The following FANCB variants were observed in gnomAD, a reference collection of about 807,000 sequenced individuals.
The protein encoded by FANCB is FA complementation group B.
In FANCB, 5 loss-of-function variants were observed where a neutral mutation model predicts 38.9. The ratio of observed to expected loss-of-function variants is 0.13; its 90% CI spans 0.07 to 0.27. The LOEUF is 0.27. FANCB is among the 10% of genes least tolerant of loss of function. FANCB has a pLI of 1.00. For synonymous variants in FANCB, 236 were observed against 215.4 expected (o/e 1.10, Z -0.84); for missense variants, 573 against 602.7 (o/e 0.95, Z 0.52).
At chrX:14,752,551 T>C in the FANCB span, among the ~76,000 whole-genome samples, 1 of 112,026 alleles carries the variant, frequency 8.9e-6, no homozygotes, top group African/African-American at 3.2e-5. Flanking sequence ...TCTTCCCTAT[T>C]TAGCATCCTT....
intron 6 of FANCB, among the ~76,000 whole-genome samples, chrX:14,852,838 T>A (rs2092407314): frequency 8.9e-6 from 1 of 112,255 alleles, no homozygotes; most frequent in Non-Finnish European, 1.9e-5. Flanking sequence ...GAATTACCTA[T>A]AAATTGATAA....
chrX:14,840,577 T>C (rs1011818976), downstream of FANCB, among the ~76,000 whole-genome samples: 2 of 111,775 alleles, frequency 1.8e-5, no homozygotes, highest in Admixed American at 9.5e-5. Context: ...AAAAGTGAAA[T>C]AGATGTGGAA....
chrX:14,801,864 A>G, the FANCB span, among the ~76,000 whole-genome samples: 3 of 110,974 alleles, frequency 2.7e-5, no homozygotes, highest in East Asian at 5.7e-4. Flanking sequence ...AGAAACAATG[A>G]ATTTCAAAGA....
At chrX:14,753,888 G>A in the FANCB span, among the ~76,000 whole-genome samples, 2 of 112,339 alleles carry the variant, frequency 1.8e-5, no homozygotes, top group African/African-American at 6.5e-5. Flanking sequence ...GCAAAAGCCA[G>A]AAATAAAATA....
the FANCB span, chrX:14,730,103 C>G: frequency 1.7e-6 from 1 of 595,060 alleles, no homozygotes; most frequent in East Asian, 3.3e-5. Flanking sequence ...TCCCACACCA[C>G]CAGTTAACTG....
intron 2 of FANCB, among the ~76,000 whole-genome samples, chrX:14,868,666 C>CCTA (rs2092481338): frequency 9.0e-6 from 1 of 110,903 alleles, no homozygotes; most frequent in African/African-American, 3.3e-5. Flanking sequence ...GTTCTAGTGT[C>CCTA]CTATTGCACA....
chrX:14,739,557 T>C, the FANCB span, among the ~76,000 whole-genome samples: 47 of 112,454 alleles, frequency 4.2e-4, no homozygotes, highest in Non-Finnish European at 3.9e-4. Flanking sequence ...AGAATATTTC[T>C]GTTGAAAATG....
At chrX:14,834,865 G>A, downstream of FANCB, 1 of 595,857 alleles carries the variant, frequency 1.7e-6, no homozygotes, top group Admixed American at 2.4e-5. Context: ...ACCTTTTTCT[G>A]TGGAAACTTG....
At chrX:14,745,687 A>ATTT in the FANCB span, among the ~76,000 whole-genome samples, 1 of 29,221 alleles carries the variant, frequency 3.4e-5, no homozygotes, top group African/African-American at 1.4e-4. Context: ...AAACTCTGGA[A>ATTT]TTTTTTTTTT....
At chrX:14,747,030 T>G in the FANCB span, among the ~76,000 whole-genome samples, 1 of 111,880 alleles carries the variant, frequency 8.9e-6, no homozygotes, top group Non-Finnish European at 1.9e-5. Context: ...GTATTCTTTC[T>G]GGCCTCTGTC....
the FANCB span, among the ~76,000 whole-genome samples, chrX:14,714,616 A>G: frequency 0.021 from 2,290 of 111,673 alleles, 50 homozygotes; most frequent in African/African-American, 0.063. Flanking sequence ...TCCCCTGCCC[A>G]TACATTTTCC....
At chrX:14,741,846 G>C in the FANCB span, among the ~76,000 whole-genome samples, 1 of 111,645 alleles carries the variant, frequency 9.0e-6, no homozygotes, top group African/African-American at 3.3e-5. Context: ...TAAGTTTCCT[G>C]GGTTAGATTT....
chrX:14,733,806 C>T, the FANCB span, among the ~76,000 whole-genome samples: 1 of 111,958 alleles, frequency 8.9e-6, no homozygotes, highest in Non-Finnish European at 1.9e-5. Context: ...ATCATGTCAT[C>T]TGCAAACAGA....
chrX:14,763,138 T>A, the FANCB span, among the ~76,000 whole-genome samples: 1 of 111,723 alleles, frequency 9.0e-6, no homozygotes, highest in South Asian at 3.7e-4. Context: ...CCTCTTTGAT[T>A]ACAAAAATCC....
the FANCB span, among the ~76,000 whole-genome samples, chrX:14,696,149 G>A: frequency 1.0e-5 from 1 of 97,802 alleles, no homozygotes; most frequent in Non-Finnish European, 2.0e-5. Flanking sequence ...AAGGAAGGAA[G>A]AAAGAAACCA....
At chrX:14,692,366 T>C in the FANCB span, among the ~76,000 whole-genome samples, 1 of 112,423 alleles carries the variant, frequency 8.9e-6, no homozygotes, top group African/African-American at 3.2e-5. Context: ...TCAGGATCAC[T>C]TGTGCCACCT....
At chrX:14,754,202 G>A in the FANCB span, among the ~76,000 whole-genome samples, 1 of 112,733 alleles carries the variant, frequency 8.9e-6, no homozygotes, top group African/African-American at 3.2e-5. Context: ...TAAACTCAGA[G>A]AAGTAAAAGG....
chrX:14,698,407 G>A, the FANCB span, among the ~76,000 whole-genome samples: 18 of 109,270 alleles, frequency 1.6e-4, no homozygotes, highest in Admixed American at 1.5e-3. Flanking sequence ...GGCCGGGAGC[G>A]GTGGCTCACA....
At chrX:14,788,284 T>A in the FANCB span, among the ~76,000 whole-genome samples, 18 of 111,252 alleles carry the variant, frequency 1.6e-4, no homozygotes, top group Non-Finnish European at 3.0e-4. Flanking sequence ...TACCCACTAC[T>A]ACATAAGAGG....
Sources: gnomAD v4.1 joint callset for allele counts (sites outside exome capture counted in the v4.1 genomes callset) on GRCh38, gnomAD v4.1.1 for gene constraint, MANE v1.5 for transcripts, NCBI Gene and HGNC (gene_info 2026-07-23, HGNC 2026-07-21) for gene names.